CNTN5: variants seen among roughly 807,000 people sequenced by gnomAD.
CNTN5 encodes the protein contactin 5, also known as contactin-5.
Under a neutral mutation model 129.1 loss-of-function variants are expected in CNTN5, and 77 were observed. The ratio of observed to expected loss-of-function variants is 0.60; its 90% confidence interval spans 0.50 to 0.72. The LOEUF (loss-of-function observed/expected upper bound fraction) is 0.72, where lower values mean the gene tolerates loss of function less well. CNTN5 is among the 30% of genes least tolerant of loss of function. The pLI, the probability that CNTN5 is intolerant of heterozygous loss-of-function variation, is 0.00. For missense variants in CNTN5, 1,478 were observed against 1,328.8 expected, an observed-to-expected ratio of 1.11 and a Z score of -1.75; for synonymous variants, 509 against 465.6, an observed-to-expected ratio of 1.09 and a Z score of -1.20.
intron 4 of CNTN5, among the ~76,000 whole-genome samples, chr11:99,841,592 G>A (rs1947493787): frequency 1.3e-5 from 2 of 151,364 alleles, no homozygotes; most frequent in Admixed American, 6.6e-5. Flanking sequence ...AGGGGAGGAG[G>A]AGGAAAAGAA....
At position 99,858,759 on chromosome 11, in the gene CNTN5, A is replaced by G. The variant is rs887092574; in HGVS notation, c.577+13497A>G. 3.3e-5 allele frequency among the ~76,000 whole-genome samples: 5 copies of G among 151,776 alleles called. No individual in the cohort carries two copies. In the East Asian group the frequency reaches 9.7e-4, roughly 29 times the overall value. The stretch of plus-strand genomic sequence containing the variant: ...AATGAAAAAAAAAGGCTTTGCTCAT[A>G]AAATAGAAGCTACAATAAAATATTA... On this transcript the variant is annotated intron_variant, in intron 6 of 24. Transcript: ENST00000524871.
At chr11:100,325,425 G>C (rs570922309) in intron 21 of CNTN5, among the ~76,000 whole-genome samples, 6 of 152,230 alleles carry the variant, frequency 3.9e-5, no homozygotes, top group African/African-American at 1.4e-4. Context: ...GAAACCATCA[G>C]AAAAGACAGT....
intron 24 of CNTN5, among the ~76,000 whole-genome samples, chr11:100,354,547 A>AT (rs1225639161): frequency 2.0e-5 from 3 of 151,726 alleles, no homozygotes; most frequent in African/African-American, 4.8e-5. Flanking sequence ...GAACACATAA[A>AT]TAAATTCAGT....
intron 6 of CNTN5, among the ~76,000 whole-genome samples, chr11:99,868,660 A>G (rs1487434767): frequency 1.3e-5 from 2 of 152,186 alleles, no homozygotes; most frequent in East Asian, 3.9e-4. Context: ...AAGAGGCGAA[A>G]AGGGAGTGAA....
intron 13 of CNTN5, among the ~76,000 whole-genome samples, chr11:100,141,649 C>A (rs540903325): frequency 6.6e-6 from 1 of 152,230 alleles, no homozygotes; most frequent in Non-Finnish European, 1.5e-5. Flanking sequence ...GTATTTGGTA[C>A]AGAGTATCCT....
intron 1 of CNTN5, among the ~76,000 whole-genome samples, chr11:99,077,958 A>G (rs531941392): frequency 6.6e-6 from 1 of 152,160 alleles, no homozygotes; most frequent in Admixed American, 6.6e-5. Flanking sequence ...GAAAATGGAC[A>G]AATACAGCAA....
At chr11:100,221,129 T>C (rs1949256462) in intron 15 of CNTN5, among the ~76,000 whole-genome samples, 2 of 151,288 alleles carry the variant, frequency 1.3e-5, no homozygotes, top group African/African-American at 4.9e-5. Context: ...GGAGAGAGAG[T>C]CCAGAAAAAC....
chr11:99,086,354 T>G (rs1866005177), intron 1 of CNTN5, among the ~76,000 whole-genome samples: 1 of 152,150 alleles, frequency 6.6e-6, no homozygotes, highest in Non-Finnish European at 1.5e-5. Context: ...GCTGGGTAAT[T>G]TATAAAGAGG....
chr11:100,090,296 A>G (rs1175241214), intron 13 of CNTN5, among the ~76,000 whole-genome samples: 2 of 152,242 alleles, frequency 1.3e-5, no homozygotes, highest in East Asian at 1.9e-4. Flanking sequence ...GAGAAAGACA[A>G]GGATGCCCAA....
intron 1 of CNTN5, among the ~76,000 whole-genome samples, chr11:99,171,748 A>G (rs1236776726): frequency 6.6e-6 from 1 of 152,294 alleles, no homozygotes; most frequent in East Asian, 1.9e-4. Context: ...CATTTTGCTC[A>G]GTGTTTCCAT....
chr11:100,347,352 C>T (rs1210025799), intron 23 of CNTN5, among the ~76,000 whole-genome samples: 1 of 152,016 alleles, frequency 6.6e-6, no homozygotes, highest in Admixed American at 6.6e-5. Flanking sequence ...CTTATATTCA[C>T]TCTAAATAGG....
chr11:100,234,792 T>TAAAAA (rs781363668), intron 16 of CNTN5, among the ~76,000 whole-genome samples: 21 of 102,070 alleles, frequency 2.1e-4, no homozygotes, highest in East Asian at 1.4e-3. Flanking sequence ...TCCCAGAATT[T>TAAAAA]AAAAAAAAAA....
At chr11:99,818,191 CTTTTT>C (rs917437706) in intron 3 of CNTN5, among the ~76,000 whole-genome samples, 5 of 151,748 alleles carry the variant, frequency 3.3e-5, no homozygotes, top group Non-Finnish European at 5.9e-5. Flanking sequence ...TACAGTGATA[CTTTTT>C]TTAATCAAAA....
chr11:99,933,463 A>G (rs1197848074), intron 7 of CNTN5, among the ~76,000 whole-genome samples: 1 of 152,180 alleles, frequency 6.6e-6, no homozygotes, highest in African/African-American at 2.4e-5. Flanking sequence ...CATTTCCATC[A>G]CCACAAGAAG....
rs553696638 is a variant in CNTN5 at position 99,985,004 on chromosome 11, G to A, written c.878-17030G>A. ...GAGCGAGCTCCATTTACTATCCTGC[G>A]GCAGTGCCCAGGTGAGGGTGCCTGC... On this transcript the variant is annotated intron_variant, in intron 8 of 24. Coordinates refer to ENST00000524871, the MANE Select transcript of CNTN5 (RefSeq NM_014361.4). 2.9e-3 allele frequency among the ~76,000 whole-genome samples: 442 copies of A among 152,236 alleles called. 2 individuals carry two copies. The highest frequency in any genetic ancestry group is 4.6e-3 in the Non-Finnish European group (315 of 68,010).
chr11:99,947,039 A>G (rs1950568198), intron 7 of CNTN5, among the ~76,000 whole-genome samples: 1 of 151,792 alleles, frequency 6.6e-6, no homozygotes, highest in Admixed American at 6.6e-5. Context: ...TATGTTTTAC[A>G]TTATAAATGT....
At chr11:100,129,376 G>A (rs1946302054) in intron 13 of CNTN5, among the ~76,000 whole-genome samples, 1 of 152,056 alleles carries the variant, frequency 6.6e-6, no homozygotes, top group African/African-American at 2.4e-5. Flanking sequence ...AAACGCCCCA[G>A]TCCATAAGAG....
intron 10 of CNTN5, among the ~76,000 whole-genome samples, chr11:100,064,076 A>G (rs1333286655): frequency 6.6e-6 from 1 of 152,092 alleles, no homozygotes; most frequent in Non-Finnish European, 1.5e-5. Context: ...TCACTGTCTC[A>G]TGGTTTATAT....
chr11:99,108,532 T>A (rs1424419009), intron 1 of CNTN5, among the ~76,000 whole-genome samples: 3 of 152,162 alleles, frequency 2.0e-5, no homozygotes, highest in Admixed American at 2.0e-4. Context: ...TTTTTTTAAC[T>A]ATACACTCCA....
Sources: allele counts gnomAD v4.1 joint callset (sites outside exome capture counted in the v4.1 genomes callset), GRCh38; gene constraint gnomAD v4.1.1; transcripts MANE v1.5; gene names NCBI Gene and HGNC (gene_info 2026-07-23, HGNC 2026-07-21).